Variants in TVP23A observed in about 807,000 individuals in gnomAD.
TVP23A encodes the protein trans-golgi network vesicle protein 23 homolog A, also known as Golgi apparatus membrane protein TVP23 homolog A.
Under a neutral mutation model 31.7 loss-of-function variants are expected in TVP23A, and 21 were observed. The ratio of observed to expected loss-of-function variants is 0.66; its 90% confidence interval spans 0.47 to 0.95. TVP23A has a LOEUF of 0.95. Ranked by LOEUF, TVP23A falls within the 40% of genes least tolerant of loss-of-function variation. The pLI is 0.00. For missense variants in TVP23A, 279 were observed against 255.6 expected (o/e 1.09, Z -0.62); for synonymous variants, 104 against 96.0 (o/e 1.08, Z -0.49).
intron 2 of TVP23A, among the ~76,000 whole-genome samples, chr16:10,808,120 T>C (rs1730439311): frequency 6.6e-6 from 1 of 152,200 alleles, no homozygotes; most frequent in South Asian, 2.1e-4. Context: ...TGATAGTGCC[T>C]AGGTTTGTAA....
At position 10,777,124 on chromosome 16, in the gene TVP23A, C is replaced by A. The variant is rs374526576; in HGVS notation, c.90-2028G>T. On this transcript the variant is annotated intron_variant, in intron 2 of 7. Coordinates refer to ENST00000299866, the MANE Select transcript of TVP23A (RefSeq NM_001079512.4). This position sits in a 1 kb window ranked among gnomAD's most constrained non-coding sequence, Gnocchi z 4.5. Reference sequence around the variant, plus strand: ...AGATGGAGTTGCTCTGGTTCACACGCCTCTGACACAGTGATGGATGAGAAT... The same window carrying A: ...AGATGGAGTTGCTCTGGTTCACACGACTCTGACACAGTGATGGATGAGAAT... Among the ~76,000 whole-genome samples the A allele has an allele frequency of 6.6e-6, 1 of 152,088 alleles. No individual in the cohort carries two copies. Among genetic ancestry groups the A allele is most frequent in the African/African-American group, 2.4e-5 (1 of 41,408 alleles).
chr16:10,785,387 G>C (rs1253404670), intron 2 of TVP23A, among the ~76,000 whole-genome samples: 1 of 151,420 alleles, frequency 6.6e-6, no homozygotes, highest in African/African-American at 2.4e-5. Context: ...CTGGGTGACA[G>C]AGCAAGACTC....
exon 9 of TVP23A, chr16:10,761,323 G>T (rs2233538): frequency 6.3e-7 from 1 of 1,578,866 alleles, no homozygotes; most frequent in East Asian, 2.2e-5. Flanking sequence ...TCCCTTTCTC[G>T]CACTTTGATG....
At chr16:10,814,162 T>C (rs1324754571) in intron 2 of TVP23A, among the ~76,000 whole-genome samples, 4 of 152,122 alleles carry the variant, frequency 2.6e-5, no homozygotes, top group Non-Finnish European at 5.9e-5. Flanking sequence ...CCCCTGTGAA[T>C]CTGGTTAAAT....
chr16:10,773,220 C>T (rs919590322), intron 5 of TVP23A, 93 bp downstream of exon 5: 28 of 1,396,414 alleles, frequency 2.0e-5, no homozygotes, highest in Non-Finnish European at 2.6e-5. Flanking sequence ...ATTGATCAAT[C>T]AATCAATAAC....
chr16:10,758,497 C>A (rs1384929914), downstream of TVP23A, among the ~76,000 whole-genome samples: 1 of 152,118 alleles, frequency 6.6e-6, no homozygotes, highest in Non-Finnish European at 1.5e-5. Flanking sequence ...AGAAAAACTT[C>A]ATCTTTGGTC....
At chr16:10,773,790 C>CA (rs1233769702) in intron 4 of TVP23A, among the ~76,000 whole-genome samples, 2 of 152,142 alleles carry the variant, frequency 1.3e-5, no homozygotes, top group South Asian at 4.1e-4. Flanking sequence ...AGGCTAGTCT[C>CA]AAACTCCTAA....
intron 2 of TVP23A, among the ~76,000 whole-genome samples, chr16:10,780,197 A>C (rs1189942924): frequency 6.6e-6 from 1 of 152,126 alleles, no homozygotes; most frequent in Non-Finnish European, 1.5e-5. Flanking sequence ...CTTCCTCTGG[A>C]GCCTCAGTAA....
chr16:10,806,555 G>A (rs1178457947), intron 2 of TVP23A, among the ~76,000 whole-genome samples: 2 of 152,120 alleles, frequency 1.3e-5, no homozygotes, highest in South Asian at 2.1e-4. Flanking sequence ...AGGCTGGAGT[G>A]CAGTGGCACA....
At chr16:10,798,798 A>G (rs2033543629) in intron 2 of TVP23A, among the ~76,000 whole-genome samples, 1 of 151,940 alleles carries the variant, frequency 6.6e-6, no homozygotes, top group African/African-American at 2.4e-5. Context: ...CAAGTAGCTG[A>G]GATTACAGGC....
chr16:10,790,757 AAAAAT>A (rs1455607116), intron 2 of TVP23A, among the ~76,000 whole-genome samples: 1 of 152,220 alleles, frequency 6.6e-6, no homozygotes, highest in Non-Finnish European at 1.5e-5. Flanking sequence ...AAGATAGGAA[AAAAAT>A]TAGAGTTTAG....
At chr16:10,769,946 C>A (rs1487946082) in intron 7 of TVP23A, among the ~76,000 whole-genome samples, 4 of 152,156 alleles carry the variant, frequency 2.6e-5, no homozygotes, top group Admixed American at 2.6e-4. Flanking sequence ...GGGTGGGAAA[C>A]AAGAACAAAT....
intron 7 of TVP23A, 39 bp from the exon 8 acceptor site, chr16:10,769,140 G>A: frequency 6.2e-7 from 1 of 1,606,112 alleles, no homozygotes; most frequent in Non-Finnish European, 8.5e-7. Flanking sequence ...CAGTTACCGA[G>A]CGAGGCACTC....
intron 2 of TVP23A, among the ~76,000 whole-genome samples, chr16:10,788,042 C>T (rs751319607): frequency 5.3e-5 from 8 of 152,000 alleles, no homozygotes; most frequent in African/African-American, 9.7e-5. Flanking sequence ...CCAAGGTTGT[C>T]GGGCTACAAC....
At chr16:10,793,606 A>T (rs900422493) in intron 2 of TVP23A, among the ~76,000 whole-genome samples, 4 of 152,106 alleles carry the variant, frequency 2.6e-5, no homozygotes, top group South Asian at 2.1e-4. Context: ...CAACAGAAAT[A>T]TTTATTTGGC....
rs115700897 is a variant in TVP23A, at chr16:10,814,044, C to G, written c.89+4059G>C. On this transcript the variant is annotated intron_variant, in intron 2 of 7. Coordinates refer to ENST00000299866, the MANE Select transcript of TVP23A (RefSeq NM_001079512.4). ...AAAAAAAAAAAATTCCCTTTCTACA[C>G]TGCAATCTGGGTAAATTCATTTGTT... 2.9e-3 allele frequency among the ~76,000 whole-genome samples: 427 copies of G among 145,746 alleles called. 3 individuals are homozygous for G. Among genetic ancestry groups the G allele is most frequent in the African/African-American group, 0.01 (415 of 40,044 alleles).
At chr16:10,765,855 G>T (rs1596477391), downstream of TVP23A, among the ~76,000 whole-genome samples, 1 of 152,240 alleles carries the variant, frequency 6.6e-6, no homozygotes, top group African/African-American at 2.4e-5. The surrounding 1 kb of genome is among the most constrained non-coding windows in gnomAD (Gnocchi z 4.0). Flanking sequence ...GCATGGTCCT[G>T]TGTGTCAAAT....
chr16:10,786,716 TG>T (rs2032774191), intron 2 of TVP23A, among the ~76,000 whole-genome samples: 3 of 578 alleles, frequency 5.2e-3, no homozygotes, highest in Non-Finnish European at 0.011. Context: ...TGGTGATGAC[TG>T]GGGATGGGCA....
chr16:10,807,513 C>T (rs1567314490), intron 2 of TVP23A, among the ~76,000 whole-genome samples: 1 of 152,100 alleles, frequency 6.6e-6, no homozygotes, highest in African/African-American at 2.4e-5. Flanking sequence ...GACACTTGGC[C>T]ACATCAGGAG....
Sources: gnomAD v4.1 joint callset for allele counts (sites outside exome capture counted in the v4.1 genomes callset) on GRCh38, gnomAD v4.1.1 for gene constraint, Gnocchi (gnomAD v3.1) non-coding constraint, MANE v1.5 for transcripts, NCBI Gene and HGNC (gene_info 2026-07-23, HGNC 2026-07-21) for gene names.